The following SCD5 variants were observed in gnomAD, a reference collection of about 807,000 sequenced individuals.
SCD5 encodes acyl-CoA-desaturase 4.
A neutral mutation model predicts 30.4 loss-of-function variants in SCD5; 20 were observed. The ratio of observed to expected loss-of-function variants is 0.66; its 90% confidence interval spans 0.46 to 0.96. The LOEUF (loss-of-function observed/expected upper bound fraction) is 0.96. Ranked by LOEUF, SCD5 falls within the 40% of genes least tolerant of loss-of-function variation. The probability of loss-of-function intolerance (pLI) is 0.00; values close to 1 mark genes in which losing one functional copy is unlikely to be tolerated. For missense variants in SCD5, 381 were observed against 443.3 expected (o/e 0.86, Z 1.26); for synonymous variants, 173 against 176.4 (o/e 0.98, Z 0.16).
chr4:82,745,849 G>A (rs1720971896), intron 1 of SCD5, among the ~76,000 whole-genome samples: 1 of 152,160 alleles, frequency 6.6e-6, no homozygotes, highest in South Asian at 2.1e-4. Flanking sequence ...GTGGTTAAGA[G>A]GCTAGACACT....
intron 1 of SCD5, among the ~76,000 whole-genome samples, chr4:82,711,932 A>C (rs1352950677): frequency 6.6e-6 from 1 of 151,874 alleles, no homozygotes; most frequent in Non-Finnish European, 1.5e-5. Flanking sequence ...GAAACAAAGG[A>C]CTATGGTGTG....
At chr4:82,750,584 T>C (rs1029227395) in intron 1 of SCD5, among the ~76,000 whole-genome samples, 30 of 152,146 alleles carry the variant, frequency 2.0e-4, no homozygotes, top group African/African-American at 7.0e-4. Context: ...GGAGAGTCTT[T>C]TGAGTCCTCG....
At chr4:82,787,938 G>A (rs58150376) in intron 1 of SCD5, among the ~76,000 whole-genome samples, 3,493 of 152,260 alleles carry the variant, frequency 0.023, 127 homozygotes, top group African/African-American at 0.079. Flanking sequence ...TTGGGAGGCT[G>A]GGGTAGAAGG....
intron 1 of SCD5, among the ~76,000 whole-genome samples, chr4:82,779,291 G>A (rs926475365): frequency 6.6e-6 from 1 of 152,142 alleles, no homozygotes; most frequent in African/African-American, 2.4e-5. Context: ...CATGTGAGAA[G>A]GACTCAGTGT....
intron 1 of SCD5, among the ~76,000 whole-genome samples, chr4:82,705,863 C>T (rs1016200643): frequency 2.6e-5 from 4 of 152,178 alleles, no homozygotes; most frequent in African/African-American, 9.7e-5. Flanking sequence ...TATCAATAAA[C>T]ATATTTAAAG....
At chr4:82,780,220 G>A (rs1021982914) in intron 1 of SCD5, among the ~76,000 whole-genome samples, 23 of 152,172 alleles carry the variant, frequency 1.5e-4, no homozygotes, top group Non-Finnish European at 2.4e-4. Flanking sequence ...TTTCTGCCTG[G>A]AGAACTCCCA....
rs113548190 is a variant in SCD5 at position 82,790,684 on chromosome 4, C to A, written c.232+7622G>T. ...AACTGGCCTGTAAGTGCAATGAAGT[C>A]AAGGATGGTGCCAGCGCTTGGCAGG... On this transcript the variant is annotated intron_variant, in intron 1 of 4. Transcript: ENST00000319540. Among the ~76,000 whole-genome samples, 1,302 of 152,204 alleles carry A rather than the reference C, an allele frequency of 8.6e-3. 13 individuals are homozygous for A. Among genetic ancestry groups the A allele is most frequent in the African/African-American group, 0.027 (1,124 of 41,538 alleles).
At chr4:82,780,726 C>CA (rs1578065699) in intron 1 of SCD5, among the ~76,000 whole-genome samples, 2 of 152,248 alleles carry the variant, frequency 1.3e-5, no homozygotes, top group African/African-American at 4.8e-5. Context: ...GATTAATTAG[C>CA]ACTTCAGCTA....
chr4:82,635,727 A>C (rs779927901), intron 4 of SCD5, among the ~76,000 whole-genome samples: 3 of 152,010 alleles, frequency 2.0e-5, no homozygotes, highest in Non-Finnish European at 4.4e-5. Flanking sequence ...GGAGGAGGTA[A>C]GTGCTAGTAT....
At chr4:82,786,273 G>A (rs1721985790) in intron 1 of SCD5, among the ~76,000 whole-genome samples, 1 of 151,870 alleles carries the variant, frequency 6.6e-6, no homozygotes, top group Non-Finnish European at 1.5e-5. Context: ...AAGGAGGAGG[G>A]TGCTATTAGA....
intron 1 of SCD5, among the ~76,000 whole-genome samples, chr4:82,772,828 A>G (rs1212104858): frequency 6.6e-6 from 1 of 152,182 alleles, no homozygotes; most frequent in Non-Finnish European, 1.5e-5. Flanking sequence ...CCTCCATGAC[A>G]GCAGAAAGTG....
At chr4:82,632,447 T>C (rs1727316508) in intron 4 of SCD5, among the ~76,000 whole-genome samples, 2 of 152,190 alleles carry the variant, frequency 1.3e-5, no homozygotes, top group African/African-American at 2.4e-5. Context: ...TGATGGATAT[T>C]TGGGTTGGTT....
chr4:82,757,492 C>A (rs946589278), intron 1 of SCD5, among the ~76,000 whole-genome samples: 9 of 152,162 alleles, frequency 5.9e-5, no homozygotes, highest in African/African-American at 2.2e-4. Context: ...TCTTTCTATT[C>A]GCATTTTACA....
intron 1 of SCD5, among the ~76,000 whole-genome samples, chr4:82,770,747 C>T (rs776969521): frequency 6.6e-6 from 1 of 152,198 alleles, no homozygotes; most frequent in Non-Finnish European, 1.5e-5. Context: ...GATTCTCTGC[C>T]TGAGAACTTT....
chr4:82,747,619 A>G (rs1261690269), intron 1 of SCD5, among the ~76,000 whole-genome samples: 1 of 152,264 alleles, frequency 6.6e-6, no homozygotes, highest in Non-Finnish European at 1.5e-5. Context: ...GCTGGCACAC[A>G]GTAAGTGATC....
chr4:82,711,191 C>A (rs28568636), intron 1 of SCD5, among the ~76,000 whole-genome samples: 24 of 151,954 alleles, frequency 1.6e-4, no homozygotes, highest in African/African-American at 5.8e-4. Flanking sequence ...GATCCCCCCC[C>A]CGATAACCCA....
chr4:82,752,371 T>G (rs1721123191), intron 1 of SCD5, among the ~76,000 whole-genome samples: 1 of 151,894 alleles, frequency 6.6e-6, no homozygotes, highest in Non-Finnish European at 1.5e-5. Context: ...GACGTGGGAA[T>G]AGGTGGGAAG....
intron 2 of SCD5, among the ~76,000 whole-genome samples, chr4:82,690,467 T>C (rs1346389953): frequency 6.6e-6 from 1 of 152,210 alleles, no homozygotes; most frequent in Non-Finnish European, 1.5e-5. Context: ...GCACTCTTCT[T>C]TATAATCTCA....
intron 3 of SCD5, among the ~76,000 whole-genome samples, chr4:82,648,959 G>A (rs1164598725): frequency 2.0e-5 from 3 of 152,098 alleles, no homozygotes; most frequent in Admixed American, 1.3e-4. Context: ...AGGATTCCAT[G>A]CAAAAATGTA....
Sources: allele counts gnomAD v4.1 joint callset (sites outside exome capture counted in the v4.1 genomes callset), GRCh38; gene constraint gnomAD v4.1.1; transcripts MANE v1.5; gene names NCBI Gene and HGNC (gene_info 2026-07-23, HGNC 2026-07-21).